Variants in FKTN observed in about 807,000 individuals in gnomAD.
FKTN encodes the protein ribitol-5-phosphate transferase FKTN.
In FKTN, 47 loss-of-function variants were observed where a neutral mutation model predicts 58.6. The ratio of observed to expected loss-of-function variants is 0.80; its 90% CI spans 0.63 to 1.02. The LOEUF is 1.02. FKTN is among the 50% of genes least tolerant of loss of function. The pLI, the probability that FKTN is intolerant of heterozygous loss-of-function variation, is 0.00. For synonymous variants in FKTN, 178 were observed against 191.9 expected (o/e 0.93, Z 0.60); for missense variants, 516 against 537.3 (o/e 0.96, Z 0.39).
chr9:105,630,050 G>A (rs966428899), intron 10 of FKTN, among the ~76,000 whole-genome samples: 3 of 152,042 alleles, frequency 2.0e-5, no homozygotes, highest in East Asian at 1.9e-4. Flanking sequence ...GGGGCCTGTC[G>A]TGGGGTAGGG....
At chr9:105,601,527 C>G (rs1417957340) in intron 5 of FKTN, among the ~76,000 whole-genome samples, 179 bp downstream of exon 5, 1 of 152,104 alleles carries the variant, frequency 6.6e-6, no homozygotes, top group Admixed American at 6.5e-5. Context: ...TAGGGGATTT[C>G]TTTTTCTTAT....
chr9:105,605,049 G>A (rs534624717), intron 6 of FKTN, among the ~76,000 whole-genome samples: 2 of 151,932 alleles, frequency 1.3e-5, no homozygotes, highest in East Asian at 1.9e-4. Flanking sequence ...TAAACTAGGG[G>A]TCTGTGCACA....
intron 10 of FKTN, among the ~76,000 whole-genome samples, chr9:105,621,345 ATTTAC>A (rs1831909074): frequency 6.6e-6 from 1 of 152,074 alleles, no homozygotes. Context: ...TTTCGGCACT[ATTTAC>A]TTTAAGAAAA....
chr9:105,602,142 G>A (rs1321401325), intron 5 of FKTN, among the ~76,000 whole-genome samples: 2 of 152,112 alleles, frequency 1.3e-5, no homozygotes, highest in African/African-American at 2.4e-5. Flanking sequence ...AAGTAAAATT[G>A]TCTCTTCATT....
chr9:105,562,455 G>C (rs565337055), intron 1 of FKTN, among the ~76,000 whole-genome samples: 2 of 152,180 alleles, frequency 1.3e-5, no homozygotes, highest in African/African-American at 2.4e-5. Flanking sequence ...AGTTGGTCCA[G>C]AATGCAAAGG....
intron 3 of FKTN, among the ~76,000 whole-genome samples, chr9:105,580,329 G>A (rs1223270931): frequency 1.3e-5 from 2 of 151,908 alleles, no homozygotes. Context: ...CATGTTTAGT[G>A]CTTCCTTCAG....
intron 3 of FKTN, among the ~76,000 whole-genome samples, chr9:105,579,293 G>C (rs1842392438): frequency 6.6e-6 from 1 of 152,000 alleles, no homozygotes; most frequent in African/African-American, 2.4e-5. Flanking sequence ...GCTTTCTCTT[G>C]TGGGCATTTA....
At chr9:105,565,022 C>T (rs1321027424) in intron 1 of FKTN, among the ~76,000 whole-genome samples, 1 of 152,150 alleles carries the variant, frequency 6.6e-6, no homozygotes, top group African/African-American at 2.4e-5. Flanking sequence ...GAATCTTCAA[C>T]CCAGAATTTC....
chr9:105,617,344 T>C (rs1831009729), intron 8 of FKTN, among the ~76,000 whole-genome samples: 1 of 152,248 alleles, frequency 6.6e-6, no homozygotes, highest in African/African-American at 2.4e-5. Context: ...AAATATCATT[T>C]GGCAGTGTGT....
chr9:105,568,396 G>C (rs1480821169), intron 1 of FKTN, among the ~76,000 whole-genome samples: 3 of 152,122 alleles, frequency 2.0e-5, no homozygotes, highest in East Asian at 3.8e-4. Context: ...CTACTCATCT[G>C]ACAAAGGGCT....
At chr9:105,612,648 A>G (rs1049359690) in intron 7 of FKTN, among the ~76,000 whole-genome samples, 5 of 152,244 alleles carry the variant, frequency 3.3e-5, no homozygotes. Context: ...GCACTTTAAC[A>G]CATACAAGGA....
chr9:105,605,893 T>C (rs1039665927), intron 6 of FKTN, among the ~76,000 whole-genome samples: 1 of 152,150 alleles, frequency 6.6e-6, no homozygotes, highest in African/African-American at 2.4e-5. Context: ...AAAAGTATAC[T>C]TGGATTGTTT....
rs1831549660 is a variant in FKTN at position 105,619,934 on chromosome 9, G to C, written c.1045G>C (p.Val349Leu). Residue 349 changes from valine (V) to leucine (L), a missense_variant and splice_region_variant, in exon 10 of 11, where the codon GTA (valine) becomes CTA (leucine). By Grantham distance (32) the Val-to-Leu change is conservative (BLOSUM62 1). Transcript: ENST00000357998. ...GLPLKHKFGK[V>L]EDSLELSFQG... ...GTGAAGGTTTTCATCTTCCCCATAG[G>C]TAGAAGACAGCTTGGAACTATCCTT... 6.2e-7 allele frequency: 1 copy of C among 1,611,344 alleles called. No homozygotes were observed. Among genetic ancestry groups the C allele is most frequent in the Non-Finnish European group, 8.5e-7 (1 of 1,177,930 alleles).
chr9:105,639,936 G>T lies in FKTN; in HGVS notation c.*4672G>T. ...GATGTAAATCTTTACCTCCTTGTTA[G>T]TGAAATTAGATATAAGCCATGATTT... On this transcript the variant is annotated 3_prime_UTR_variant, in exon 11 of 11. Coordinates refer to ENST00000357998, the MANE Select transcript of FKTN (RefSeq NM_001079802.2). 1 of 1,461,560 alleles carries T rather than the reference G, an allele frequency of 6.8e-7. No homozygotes were observed. Among genetic ancestry groups the T allele is most frequent in the South Asian group, 1.4e-5 (1 of 69,312 alleles). 90.5% of individuals were successfully genotyped at this position (1,461,560 alleles called of 1,614,324 possible).
At chr9:105,590,520 A>G (rs1482248789) in intron 3 of FKTN, among the ~76,000 whole-genome samples, 1 of 152,208 alleles carries the variant, frequency 6.6e-6, no homozygotes, top group Non-Finnish European at 1.5e-5. Context: ...AAGAGAGTTG[A>G]TGGTAGAGTT....
intron 3 of FKTN, among the ~76,000 whole-genome samples, chr9:105,580,082 C>G (rs190076699): frequency 1.5e-4 from 23 of 152,032 alleles, no homozygotes; most frequent in Admixed American, 5.9e-4. Flanking sequence ...GATGGGTTTC[C>G]TGAATACAGC....
intron 3 of FKTN, among the ~76,000 whole-genome samples, chr9:105,588,895 TG>T (rs1231475758): frequency 6.6e-6 from 1 of 152,222 alleles, no homozygotes; most frequent in Non-Finnish European, 1.5e-5. Flanking sequence ...GTTTAGCCAA[TG>T]GGATACGGCT....
chr9:105,593,472 A>G (rs1189359652), intron 3 of FKTN, among the ~76,000 whole-genome samples: 1 of 152,206 alleles, frequency 6.6e-6, no homozygotes, highest in East Asian at 1.9e-4. Context: ...TCAAATGAAG[A>G]AGGTGAATAG....
At position 105,563,853 on chromosome 9, in the gene FKTN, C is replaced by T. The variant is rs141306709; in HGVS notation, c.-181+5688C>T. On this transcript the variant is annotated intron_variant, in intron 1 of 10. Transcript: ENST00000357998. The stretch of plus-strand genomic sequence containing the variant: ...AGATCTGAGAACGGACAGACTGCCT[C>T]CTCAAGTGGGTCCCTGACCCTCAAG... 3.8e-3 allele frequency among the ~76,000 whole-genome samples: 572 copies of T among 152,330 alleles called. 6 individuals carry two copies. The highest frequency in any genetic ancestry group is 0.013 in the African/African-American group (540 of 41,572).
Sources: allele counts gnomAD v4.1 joint callset (sites outside exome capture counted in the v4.1 genomes callset), GRCh38; gene constraint gnomAD v4.1.1; transcripts MANE v1.5; gene names NCBI Gene and HGNC (gene_info 2026-07-23, HGNC 2026-07-21).